The following ZNF678 variants were observed in gnomAD, a reference collection of about 807,000 sequenced individuals.
The protein encoded by ZNF678 is hypothetical protein MGC42493.
In ZNF678, 5 loss-of-function variants were observed where a neutral mutation model predicts 3.0. The ratio of observed to expected loss-of-function variants is 1.69; its 90% CI spans 0.88 to 3.56. The LOEUF is 3.56. Ranked by LOEUF, ZNF678 falls within the 30% of genes most tolerant of loss-of-function variation. The pLI is 0.00. For synonymous variants in ZNF678, 218 were observed against 199.6 expected (o/e 1.09, Z -0.78); for missense variants, 593 against 605.0 (o/e 0.98, Z 0.21).
chr1:227,599,056 A>G (rs1399506996), intron 1 of ZNF678: 21 of 1,594,920 alleles, frequency 1.3e-5, no homozygotes, highest in Non-Finnish European at 1.8e-5. Context: ...GTCGATTCAA[A>G]TAATCCTGTA....
intron 1 of ZNF678, among the ~76,000 whole-genome samples, chr1:227,631,113 G>A (rs1328561147): frequency 6.6e-6 from 1 of 152,118 alleles, no homozygotes; most frequent in Non-Finnish European, 1.5e-5. Flanking sequence ...CATCTTAGGG[G>A]CGTTTTTGCC....
Position 227,646,667 on chromosome 1 carries a change from C to A in ZNF678, c.-40C>A, listed in dbSNP as rs777598946. The A allele has an allele frequency of 6.6e-6, 9 of 1,371,730 alleles. No individual in the cohort carries two copies. The highest frequency in any genetic ancestry group is 2.9e-6 in the Non-Finnish European group (3 of 1,024,562). 85.0% of individuals were successfully genotyped at this position (1,371,730 alleles called of 1,614,324 possible). A position where few individuals can be genotyped will look rare whatever the true frequency, so the allele number is the denominator to read the frequency against. ...CGAGAACTACAGAAACCTGGTCTCC[C>A]TGGGTGAGGATAACTTCAATACACA... On this transcript the variant is annotated 5_prime_UTR_variant, in exon 2 of 4. It adds an upstream start codon to the 5' untranslated region. Coordinates refer to ENST00000343776, the MANE Select transcript of ZNF678 (RefSeq NM_001367909.1).
chr1:227,563,900 GCC>G (rs1425576578), intron 1 of ZNF678, among the ~76,000 whole-genome samples, 176 bp downstream of exon 1: 2 of 152,214 alleles, frequency 1.3e-5, no homozygotes, highest in Non-Finnish European at 1.5e-5. Flanking sequence ...TTCCGCCCCG[GCC>G]TCTCTGGGCG....
Position 227,654,555 on chromosome 1 carries a change from G to A in ZNF678, c.305G>A (p.Cys102Tyr). 1 of 1,613,382 alleles carries A rather than the reference G, an allele frequency of 6.2e-7. No homozygotes were observed. Among genetic ancestry groups the A allele is most frequent in the Non-Finnish European group, 8.5e-7 (1 of 1,179,572 alleles). The change falls in exon 4 of 4, where the codon TGT (cysteine) becomes TAT (tyrosine). Residue 102 changes from cysteine to tyrosine, a missense_variant. Coordinates refer to ENST00000343776, the MANE Select transcript of ZNF678 (RefSeq NM_001367909.1). ...AGCAAAATCTTTCAATGTATTGAATGTGGCAGAAATTTTAGCTGGAGGTCA... is the reference window on the plus strand; with the variant it reads ...AGCAAAATCTTTCAATGTATTGAATATGGCAGAAATTTTAGCTGGAGGTCA... ...TKSKIFQCIECGRNFSWRSIL... is the reference protein window; with the variant it reads ...TKSKIFQCIEYGRNFSWRSIL...
chr1:227,676,845 A>G (rs1357875962), intron 5 of ZNF678, among the ~76,000 whole-genome samples: 4 of 152,182 alleles, frequency 2.6e-5, no homozygotes, highest in African/African-American at 9.7e-5. Flanking sequence ...TACAAAGGAC[A>G]TGAACTCATC....
intron 1 of ZNF678, among the ~76,000 whole-genome samples, chr1:227,630,724 C>A (rs1353342915): frequency 6.6e-6 from 1 of 152,140 alleles, no homozygotes; most frequent in African/African-American, 2.4e-5. Flanking sequence ...CACTTTGGTT[C>A]ATTGTTTACA....
At chr1:227,637,075 C>A (rs1435131602) in intron 1 of ZNF678, among the ~76,000 whole-genome samples, 1 of 152,096 alleles carries the variant, frequency 6.6e-6, no homozygotes, top group Non-Finnish European at 1.5e-5. Context: ...GCATAGCCAG[C>A]ATTCCAGTAT....
chr1:227,585,384 G>A (rs970428995), intron 1 of ZNF678, among the ~76,000 whole-genome samples: 5 of 152,264 alleles, frequency 3.3e-5, no homozygotes, highest in Non-Finnish European at 7.3e-5. Context: ...ACCTTAAATG[G>A]CTAATAAGTG....
chr1:227,663,353 C>T (rs1471516254), downstream of ZNF678, among the ~76,000 whole-genome samples: 1 of 152,198 alleles, frequency 6.6e-6, no homozygotes, highest in African/African-American at 2.4e-5. Context: ...AAAGGCTGAA[C>T]CACTGTGGGA....
At chr1:227,632,852 C>T (rs1239595166) in intron 1 of ZNF678, among the ~76,000 whole-genome samples, 3 of 152,124 alleles carry the variant, frequency 2.0e-5, no homozygotes, top group Non-Finnish European at 2.9e-5. Flanking sequence ...GCGGGCCGCT[C>T]CCAAATGGCA....
intron 1 of ZNF678, among the ~76,000 whole-genome samples, chr1:227,590,281 A>T (rs960957169): frequency 6.6e-5 from 10 of 151,862 alleles, no homozygotes; most frequent in Non-Finnish European, 1.2e-4. Flanking sequence ...CTGATCATCT[A>T]TGTGCAGGCA....
chr1:227,662,765 G>T (rs1201369194), downstream of ZNF678, among the ~76,000 whole-genome samples: 1 of 152,088 alleles, frequency 6.6e-6, no homozygotes, highest in East Asian at 1.9e-4. Flanking sequence ...AGACTGCTGG[G>T]GACACTATAC....
intron 1 of ZNF678, among the ~76,000 whole-genome samples, chr1:227,570,682 T>G (rs1656816743): frequency 6.6e-6 from 1 of 152,070 alleles, no homozygotes; most frequent in Non-Finnish European, 1.5e-5. Flanking sequence ...GTTTTTTTTT[T>G]TTTACTGCAA....
At chr1:227,597,453 A>G (rs1187267008) in intron 1 of ZNF678, among the ~76,000 whole-genome samples, 2 of 152,260 alleles carry the variant, frequency 1.3e-5, no homozygotes, top group African/African-American at 4.8e-5. Context: ...TCCCAACATA[A>G]AACTTAGTAT....
intron 1 of ZNF678, among the ~76,000 whole-genome samples, chr1:227,580,704 C>T (rs12137033): frequency 0.19 from 28,595 of 151,986 alleles, 2,898 homozygotes; most frequent in East Asian, 0.25. Flanking sequence ...CCAAGGCAGG[C>T]GGATCATCTG....
intron 1 of ZNF678, among the ~76,000 whole-genome samples, chr1:227,578,337 A>G (rs932866968): frequency 2.0e-5 from 3 of 152,170 alleles, no homozygotes; most frequent in African/African-American, 7.2e-5. Context: ...ACGTTTTCCA[A>G]CTTGCTTTCA....
intron 1 of ZNF678, among the ~76,000 whole-genome samples, chr1:227,631,688 T>C (rs1385194177): frequency 6.6e-6 from 1 of 152,200 alleles, no homozygotes. Flanking sequence ...CTACTTATCC[T>C]ATGTGCCTTT....
intron 1 of ZNF678, among the ~76,000 whole-genome samples, chr1:227,580,075 G>A (rs1020267111): frequency 1.3e-5 from 2 of 152,166 alleles, no homozygotes; most frequent in African/African-American, 2.4e-5. Flanking sequence ...GCCTGTGAGA[G>A]TGGATTGCTT....
intron 1 of ZNF678, among the ~76,000 whole-genome samples, chr1:227,585,924 A>G (rs1156809461): frequency 6.6e-6 from 1 of 152,238 alleles, no homozygotes; most frequent in African/African-American, 2.4e-5. Flanking sequence ...TCACTAAATA[A>G]GTTACCACAA....
Sources: gnomAD v4.1 joint callset for allele counts (sites outside exome capture counted in the v4.1 genomes callset) on GRCh38, gnomAD v4.1.1 for gene constraint, MANE v1.5 for transcripts, NCBI Gene and HGNC (gene_info 2026-07-23, HGNC 2026-07-21) for gene names.